SORCS2: variants seen among roughly 807,000 people sequenced by gnomAD.
The protein encoded by SORCS2 is VPS10 domain-containing receptor SorCS2.
In SORCS2, 100 loss-of-function variants were observed where a neutral mutation model predicts 141.6. The ratio of observed to expected loss-of-function variants is 0.71; its 90% CI spans 0.60 to 0.83. The LOEUF (loss-of-function observed/expected upper bound fraction) is 0.83, where lower values mean the gene tolerates loss of function less well. Ranked by LOEUF, SORCS2 falls within the 40% of genes least tolerant of loss-of-function variation. SORCS2 has a pLI of 0.00. For missense variants in SORCS2, 1,646 were observed against 1,560.2 expected (o/e 1.05, Z -0.93); for synonymous variants, 789 against 676.9 (o/e 1.17, Z -2.57).
chr4:7,410,316 A>G (rs1725219992), intron 2 of SORCS2, among the ~76,000 whole-genome samples: 1 of 152,244 alleles, frequency 6.6e-6, no homozygotes, highest in African/African-American at 2.4e-5. Flanking sequence ...TCATCCAGAA[A>G]GAGGGGGACT....
At chr4:7,382,810 G>A (rs1019028237) in intron 1 of SORCS2, among the ~76,000 whole-genome samples, 13 of 152,250 alleles carry the variant, frequency 8.5e-5, no homozygotes, top group African/African-American at 3.1e-4. Flanking sequence ...TGGGGACGGT[G>A]GGTGTAAACA....
intron 2 of SORCS2, among the ~76,000 whole-genome samples, chr4:7,435,621 C>A (rs1403632799): frequency 6.6e-6 from 1 of 152,246 alleles, no homozygotes; most frequent in Non-Finnish European, 1.5e-5. Context: ...TGAGTGTGGG[C>A]TGGTCTGTAG....
At chr4:7,227,897 G>A (rs370505131) in intron 1 of SORCS2, among the ~76,000 whole-genome samples, 4 of 152,132 alleles carry the variant, frequency 2.6e-5, no homozygotes, top group Admixed American at 1.3e-4. Flanking sequence ...TCAGGGTGCC[G>A]GGGAGGGCAT....
intron 2 of SORCS2, among the ~76,000 whole-genome samples, chr4:7,478,891 G>C (rs898373038): frequency 1.1e-4 from 16 of 152,158 alleles, no homozygotes; most frequent in Admixed American, 6.5e-4. Context: ...TGTTGGCAGG[G>C]GGCCTCGGCC....
chr4:7,682,736 G>A lies in SORCS2; in HGVS notation c.1342-7G>A. On this transcript the variant is annotated splice_region_variant and splice_polypyrimidine_tract_variant and intron_variant, in intron 9 of 26. Coordinates refer to ENST00000507866, the MANE Select transcript of SORCS2 (RefSeq NM_020777.3). ...AGTTTACAGTCCTTCTTTTATTTTT[G>A]TCCCAGGTCAGAGGGGTGAAAGGAG... 6.2e-7 allele frequency: 1 copy of A among 1,603,460 alleles called. No homozygotes were observed. The highest frequency in any genetic ancestry group is 8.5e-7 in the Non-Finnish European group (1 of 1,175,116).
intron 4 of SORCS2, among the ~76,000 whole-genome samples, chr4:7,640,433 A>T (rs77324206): frequency 1.5e-4 from 10 of 66,718 alleles, no homozygotes; most frequent in South Asian, 1.0e-3. Context: ...CGTGTGTGTG[A>T]GTCTACATGA....
intron 2 of SORCS2, among the ~76,000 whole-genome samples, chr4:7,527,051 T>C (rs887325541): frequency 1.3e-5 from 2 of 152,208 alleles, no homozygotes; most frequent in African/African-American, 2.4e-5. Flanking sequence ...GCCCTGCGGG[T>C]CAGTGGTGCT....
chr4:7,528,803 G>A (rs1025040331), intron 2 of SORCS2, among the ~76,000 whole-genome samples: 2 of 152,034 alleles, frequency 1.3e-5, no homozygotes, highest in Non-Finnish European at 2.9e-5. Context: ...CCACTGTGGC[G>A]AACTCTCTCT....
At chr4:7,733,299 C>G in intron 23 of SORCS2, 23 bp from the exon 24 acceptor site, 1 of 1,520,480 alleles carries the variant, frequency 6.6e-7, no homozygotes, top group Non-Finnish European at 8.9e-7. Flanking sequence ...AGGCCTCACT[C>G]ACTGTCCCCT....
chr4:7,638,614 C>T (rs1720427502), intron 4 of SORCS2, 122 bp downstream of exon 4: 4 of 1,046,300 alleles, frequency 3.8e-6, no homozygotes, highest in African/African-American at 1.7e-5. Context: ...GAGGAGGAGC[C>T]TCCCGGGGCT....
At chr4:7,671,850 A>G (rs949119557) in intron 8 of SORCS2, among the ~76,000 whole-genome samples, 1 of 152,188 alleles carries the variant, frequency 6.6e-6, no homozygotes, top group Admixed American at 6.5e-5. Context: ...AGACATGAAT[A>G]TAAGTATCTA....
At chr4:7,530,615 T>G (rs1318012781) in intron 2 of SORCS2, among the ~76,000 whole-genome samples, 1 of 152,254 alleles carries the variant, frequency 6.6e-6, no homozygotes, top group Non-Finnish European at 1.5e-5. Flanking sequence ...GGGCATATCC[T>G]GCAATCCCAG....
intron 1 of SORCS2, among the ~76,000 whole-genome samples, chr4:7,199,624 C>T (rs981294414): frequency 7.3e-5 from 11 of 151,090 alleles, no homozygotes; most frequent in Non-Finnish European, 1.5e-4. Flanking sequence ...CTGGGTGGGG[C>T]GGGCCGCTCT....
At chr4:7,705,859 A>T (rs560578651) in intron 14 of SORCS2, among the ~76,000 whole-genome samples, 1 of 152,120 alleles carries the variant, frequency 6.6e-6, no homozygotes, top group African/African-American at 2.4e-5. Flanking sequence ...ATCTCCCTCC[A>T]TGTGCCCCAC....
Position 7,596,055 on chromosome 4 carries a change from G to A in SORCS2, c.649-42273G>A, listed in dbSNP as rs115627992. On this transcript the variant is annotated intron_variant, in intron 3 of 26. Transcript: ENST00000507866. The stretch of plus-strand genomic sequence containing the variant: ...CTCACAAACCATGGTTCTAGCTGGC[G>A]TGAGGCAGCACTCATCCTCACAAAT... Among the ~76,000 whole-genome samples the A allele has an allele frequency of 2.2e-3, 337 of 152,288 alleles. 2 individuals carry two copies. The highest frequency in any genetic ancestry group is 5.2e-3 in the South Asian group (25 of 4,826).
chr4:7,475,066 A>T (rs1730206571), intron 2 of SORCS2, among the ~76,000 whole-genome samples: 1 of 152,204 alleles, frequency 6.6e-6, no homozygotes, highest in African/African-American at 2.4e-5. Flanking sequence ...ACTTGGTTCC[A>T]TCTGCAAAGA....
chr4:7,364,950 C>A (rs571336648), intron 1 of SORCS2, among the ~76,000 whole-genome samples: 1 of 152,196 alleles, frequency 6.6e-6, no homozygotes, highest in East Asian at 1.9e-4. Context: ...CAGCTGGGAG[C>A]TTCATAACCC....
In SORCS2 at chr4:7,267,375, T is replaced by C. The variant is rs1311553818; in HGVS notation, c.480+74249T>C. ...ACCCCCGTGGTGGTAGAGTAAGGACTTGCCGCAGCTCCGAGGATGGGTCGA... is the reference window on the plus strand; with the variant it reads ...ACCCCCGTGGTGGTAGAGTAAGGACCTGCCGCAGCTCCGAGGATGGGTCGA... On this transcript the variant is annotated intron_variant, in intron 1 of 26. Transcript: ENST00000507866. 2.0e-5 allele frequency among the ~76,000 whole-genome samples: 3 copies of C among 152,328 alleles called. No homozygotes were observed. In the East Asian group the frequency reaches 5.8e-4, roughly 29 times the overall value.
At chr4:7,277,423 G>C (rs1456112972) in intron 1 of SORCS2, among the ~76,000 whole-genome samples, 1 of 152,184 alleles carries the variant, frequency 6.6e-6, no homozygotes, top group Non-Finnish European at 1.5e-5. Flanking sequence ...CCTCAATACA[G>C]ACGGGCTTTC....
Sources: allele counts gnomAD v4.1 joint callset (sites outside exome capture counted in the v4.1 genomes callset), GRCh38; gene constraint gnomAD v4.1.1; transcripts MANE v1.5; gene names NCBI Gene and HGNC (gene_info 2026-07-23, HGNC 2026-07-21).